The following CLEC4G variants were observed in gnomAD, a reference collection of about 807,000 sequenced individuals.
CLEC4G encodes C-type lectin domain family 4 member G.
A neutral mutation model predicts 37.0 loss-of-function variants in CLEC4G; 34 were observed. The observed-to-expected ratio is 0.92, with a 90% CI of 0.70 to 1.22. The LOEUF is 1.22. Among genes scored for constraint, CLEC4G ranks in the 50% most tolerant of loss-of-function variants. CLEC4G has a pLI of 0.00. For missense variants in CLEC4G, 390 were observed against 392.9 expected, an observed-to-expected ratio of 0.99 and a Z score of 0.06; for synonymous variants, 167 against 165.6, an observed-to-expected ratio of 1.01 and a Z score of -0.06.
rs1408540845 is a variant in CLEC4G at position 7,730,445 on chromosome 19, G to A, written c.389-5C>T. 1.2e-6 allele frequency: 2 copies of A among 1,600,502 alleles called. No homozygotes were observed. Among genetic ancestry groups the A allele is most frequent in the African/African-American group, 1.3e-5 (1 of 75,054 alleles). ...CTTCAGCCAAGCCCTGGGTCACTGCGGGGTCAAGGGAGCGGGGATTATGGC... is the reference window on the plus strand; with the variant it reads ...CTTCAGCCAAGCCCTGGGTCACTGCAGGGTCAAGGGAGCGGGGATTATGGC... On this transcript the variant is annotated splice_polypyrimidine_tract_variant and splice_region_variant and intron_variant, in intron 5 of 8. Transcript: ENST00000328853. The surrounding 1 kb of genome is among the most constrained non-coding windows in gnomAD (Gnocchi z 7.3).
In CLEC4G at chr19:7,729,166, A is replaced by C. The variant is rs1382190852; in HGVS notation, c.*200T>G. The C allele has an allele frequency of 2.8e-5, 19 of 688,642 alleles. No homozygotes were observed. In the African/African-American group the frequency reaches 2.8e-4, roughly 10 times the overall value. The allele number at this position is 688,642 out of a possible 1,614,324, so 42.7% of individuals were successfully genotyped here. A position where few individuals can be genotyped will look rare whatever the true frequency, so the allele number is the denominator to read the frequency against. Reference sequence around the variant, plus strand: ...AGGTTGGGTCTGCGTGAGTGGAGTTAGGATGAGGTCGGCATGGAGGTCCCA... The same window carrying C: ...AGGTTGGGTCTGCGTGAGTGGAGTTCGGATGAGGTCGGCATGGAGGTCCCA... On this transcript the variant is annotated 3_prime_UTR_variant, in exon 9 of 9. Transcript: ENST00000328853.
At position 7,729,358 on chromosome 19, in the gene CLEC4G, G is replaced by C; in HGVS notation, c.*8C>G. 1 of 1,597,004 alleles carries C rather than the reference G, an allele frequency of 6.3e-7. No individual in the cohort carries two copies. Among genetic ancestry groups the C allele is most frequent in the Non-Finnish European group, 8.6e-7 (1 of 1,166,102 alleles). ...GCAATGGGCGCGGCTCCAGGGCACT[G>C]GGCGGGGTCAGCAGTTGTGCCTTTT... On this transcript the variant is annotated 3_prime_UTR_variant, in exon 9 of 9. Coordinates refer to ENST00000328853, the MANE Select transcript of CLEC4G (RefSeq NM_198492.4).
chr19:7,730,913 G>A lies in CLEC4G; in HGVS notation c.284-54C>T. On this transcript the variant is annotated intron_variant, in intron 4 of 8. Coordinates refer to ENST00000328853, the MANE Select transcript of CLEC4G (RefSeq NM_198492.4). The surrounding 1 kb of genome is among the most constrained non-coding windows in gnomAD (Gnocchi z 7.3). ...GGCGGCGAGGATGGGGCGGGACTTC[G>A]GAGACCAGCCCCCGCCCCGCACCAC... 7.9e-6 allele frequency: 12 copies of A among 1,517,846 alleles called. No individual in the cohort carries two copies. The highest frequency in any genetic ancestry group is 9.7e-6 in the Non-Finnish European group (11 of 1,138,376). The allele number at this position is 1,517,846 out of a possible 1,614,324, so 94.0% of individuals were successfully genotyped here.
Position 7,731,763 on chromosome 19 carries a change from C to G in CLEC4G, c.64G>C (p.Gly22Arg). The change falls in exon 2 of 9, where the codon GGA (glycine) becomes CGA (arginine). Residue 22 changes from glycine to arginine, a missense_variant. Coordinates refer to ENST00000328853, the MANE Select transcript of CLEC4G (RefSeq NM_198492.4). Reference protein sequence around the residue: ...SSEEVPGGPWGRWVHWSRRPL... With the variant: ...SSEEVPGGPWRRWVHWSRRPL... ...CTCCTGCTCCAGTGCACCCAGCGTC[C>G]CCAGGGCCCTGGCATAACAAGGACG... is the stretch of plus-strand genomic sequence containing the variant. 6.2e-7 allele frequency: 1 copy of G among 1,613,418 alleles called. No homozygotes were observed. The highest frequency in any genetic ancestry group is 8.5e-7 in the Non-Finnish European group (1 of 1,179,770).
In CLEC4G at chr19:7,730,287, G is replaced by C; in HGVS notation, c.478+64C>G. 14 of 1,578,598 alleles carry C rather than the reference G, an allele frequency of 8.9e-6. No homozygotes were observed. Among genetic ancestry groups the C allele is most frequent in the Non-Finnish European group, 1.2e-5 (14 of 1,165,618 alleles). On this transcript the variant is annotated intron_variant, in intron 6 of 8. Coordinates refer to ENST00000328853, the MANE Select transcript of CLEC4G (RefSeq NM_198492.4). This position sits in a 1 kb window ranked among gnomAD's most constrained non-coding sequence, Gnocchi z 7.3. ...GGTGGAGACACAGAACCAGGCCAAG[G>C]TCCAGGAGTGACAGGGTCCGCTTAC...
chr19:7,729,357 T>C lies in CLEC4G; in HGVS notation c.*9A>G. On this transcript the variant is annotated 3_prime_UTR_variant, in exon 9 of 9. Transcript: ENST00000328853. ...TGCAATGGGCGCGGCTCCAGGGCACTGGGCGGGGTCAGCAGTTGTGCCTTT... is the reference window on the plus strand; with the variant it reads ...TGCAATGGGCGCGGCTCCAGGGCACCGGGCGGGGTCAGCAGTTGTGCCTTT... 1 of 1,597,088 alleles carries C rather than the reference T, an allele frequency of 6.3e-7. No homozygotes were observed. The highest frequency in any genetic ancestry group is 2.2e-5 in the East Asian group (1 of 44,810).
Position 7,730,237 on chromosome 19 carries a change from A to G in CLEC4G, c.479-70T>C. On this transcript the variant is annotated intron_variant, in intron 6 of 8. Transcript: ENST00000328853. This position sits in a 1 kb window ranked among gnomAD's most constrained non-coding sequence, Gnocchi z 7.3. Reference sequence around the variant, plus strand: ...AACGCACCGAGAGGATGCAGTGGGTAGGGGTTCGGCCCCGCGGGCTCAGGG... The same window carrying G: ...AACGCACCGAGAGGATGCAGTGGGTGGGGGTTCGGCCCCGCGGGCTCAGGG... 1 of 1,584,330 alleles carries G rather than the reference A, an allele frequency of 6.3e-7. No homozygotes were observed. Among genetic ancestry groups the G allele is most frequent in the South Asian group, 1.1e-5 (1 of 88,744 alleles).
intron 2 of CLEC4G, 38 bp from the exon 3 acceptor site, chr19:7,731,357 C>T (rs1473547676): frequency 6.5e-7 from 1 of 1,544,392 alleles, no homozygotes; most frequent in South Asian, 1.2e-5. Context: ...GCCGGGAACT[C>T]GGGAATCCTC....
chr19:7,731,405 G>A, intron 2 of CLEC4G, 86 bp from the exon 3 acceptor site: 13 of 1,516,586 alleles, frequency 8.6e-6, no homozygotes, highest in Non-Finnish European at 1.1e-5. Flanking sequence ...CAACTCGGGA[G>A]CACGGAGCGG....
At position 7,730,675 on chromosome 19, in the gene CLEC4G, T is replaced by C; in HGVS notation, c.388+80A>G. On this transcript the variant is annotated intron_variant, in intron 5 of 8. Transcript: ENST00000328853. The surrounding 1 kb of genome is among the most constrained non-coding windows in gnomAD (Gnocchi z 7.3). ...GTCAGGACGGGGTGCATGATCGGGG[T>C]CGGGGGTCAGCACTCAGGACGGGGT... is the stretch of plus-strand genomic sequence containing the variant. 6.8e-7 allele frequency: 1 copy of C among 1,465,136 alleles called. No individual in the cohort carries two copies. The highest frequency in any genetic ancestry group is 9.0e-7 in the Non-Finnish European group (1 of 1,111,478). The allele number at this position is 1,465,136 out of a possible 1,614,324, so 90.8% of individuals were successfully genotyped here.
chr19:7,731,155 T>C (rs1176948982), intron 3 of CLEC4G, 67 bp from the exon 4 acceptor site: 1 of 1,592,852 alleles, frequency 6.3e-7, no homozygotes. Flanking sequence ...GGGACCCCCT[T>C]CCAGCCTCAG....
chr19:7,730,247 C>G lies in CLEC4G; in HGVS notation c.479-80G>C. ...GAGGATGCAGTGGGTAGGGGTTCGG[C>G]CCCGCGGGCTCAGGGGTGGAGACAC... On this transcript the variant is annotated intron_variant, in intron 6 of 8. Transcript: ENST00000328853. The surrounding 1 kb of genome is among the most constrained non-coding windows in gnomAD (Gnocchi z 7.3). 1 of 1,576,590 alleles carries G rather than the reference C, an allele frequency of 6.3e-7. No individual in the cohort carries two copies. Among genetic ancestry groups the G allele is most frequent in the East Asian group, 2.3e-5 (1 of 44,178 alleles).
At position 7,730,401 on chromosome 19, in the gene CLEC4G, T is replaced by G; in HGVS notation, c.428A>C (p.Asp143Ala). 3 of 1,602,392 alleles carry G rather than the reference T, an allele frequency of 1.9e-6. No individual in the cohort carries two copies. The highest frequency in any genetic ancestry group is 2.5e-6 in the Non-Finnish European group (3 of 1,179,862). ...CGCCCGGAACAGCTCAGTGCGGACGTCCTCACGGCCCCTGCCGGCTTCAGC... is the reference window on the plus strand; with the variant it reads ...CGCCCGGAACAGCTCAGTGCGGACGGCCTCACGGCCCCTGCCGGCTTCAGC... ...GLAEAGRGRE[D>A]VRTELFRALE... The change falls in exon 6 of 9, where the codon GAC becomes GCC. Residue 143 changes from aspartate (D) to alanine (A), a missense_variant. By Grantham distance (126) the Asp-to-Ala change is moderately radical (BLOSUM62 -2). Transcript: ENST00000328853. This position sits in a 1 kb window ranked among gnomAD's most constrained non-coding sequence, Gnocchi z 7.3.
chr19:7,730,058 G>C lies in CLEC4G; in HGVS notation c.588C>G (p.Ala196=), dbSNP rs1360564791. The change falls in exon 7 of 9, where the codon GCC becomes GCG. Residue 196 remains alanine, a synonymous_variant. Coordinates refer to ENST00000328853, the MANE Select transcript of CLEC4G (RefSeq NM_198492.4). The surrounding 1 kb of genome is among the most constrained non-coding windows in gnomAD (Gnocchi z 7.3). ...WAAAQDHCAD[A]SAHLVIVGGL... The stretch of plus-strand genomic sequence containing the variant: ...CCCCAACGATCACCAGGTGCGCGCT[G>C]GCATCTGCGCAGTGATCCTGCGCCG... The C allele has an allele frequency of 7.5e-6, 12 of 1,604,842 alleles. No individual in the cohort carries two copies. The highest frequency in any genetic ancestry group is 8.5e-6 in the Non-Finnish European group (10 of 1,177,310).
chr19:7,731,207 G>A, intron 3 of CLEC4G, 59 bp downstream of exon 3: 1 of 1,571,966 alleles, frequency 6.4e-7, no homozygotes, highest in Non-Finnish European at 8.6e-7. Flanking sequence ...CATCTCCGGG[G>A]TCTCAGAAAC....
Position 7,729,178 on chromosome 19 carries a change from G to A in CLEC4G, c.*188C>T. ...CGTGAGTGGAGTTAGGATGAGGTCG[G>A]CATGGAGGTCCCAGAGCCCAGGCAC... On this transcript the variant is annotated 3_prime_UTR_variant, in exon 9 of 9. Transcript: ENST00000328853. The A allele has an allele frequency of 1.4e-6, 1 of 693,848 alleles. No homozygotes were observed. The allele number at this position is 693,848 out of a possible 1,614,324, so 43.0% of individuals were successfully genotyped here. A position where few individuals can be genotyped will look rare whatever the true frequency, so the allele number is the denominator to read the frequency against.
intron 3 of CLEC4G, 36 bp from the exon 4 acceptor site, chr19:7,731,124 G>A: frequency 1.9e-6 from 3 of 1,603,308 alleles, no homozygotes; most frequent in Non-Finnish European, 2.5e-6. Flanking sequence ...CATGCCCCTC[G>A]GGTCACTTGG....
In CLEC4G at chr19:7,730,724, G is replaced by A. The variant is rs114373014; in HGVS notation, c.388+31C>T. The A allele has an allele frequency of 2.3e-5, 35 of 1,523,262 alleles. No individual in the cohort carries two copies. Among genetic ancestry groups the A allele is most frequent in the Admixed American group, 2.0e-5 (1 of 49,844 alleles). The allele number at this position is 1,523,262 out of a possible 1,614,324, so 94.4% of individuals were successfully genotyped here. On this transcript the variant is annotated intron_variant, in intron 5 of 8. Coordinates refer to ENST00000328853, the MANE Select transcript of CLEC4G (RefSeq NM_198492.4). This position sits in a 1 kb window ranked among gnomAD's most constrained non-coding sequence, Gnocchi z 7.3. ...GTCGGGGTCGGGGGACGCGGCCAGGGCTCAGGGCCGGGGTCGCGTCGGGCC... is the reference window on the plus strand; with the variant it reads ...GTCGGGGTCGGGGGACGCGGCCAGGACTCAGGGCCGGGGTCGCGTCGGGCC...
Position 7,730,030 on chromosome 19 carries a change from G to A in CLEC4G, c.616C>T (p.Leu206=), listed in dbSNP as rs781537650. ...CTCCCCCTGCGCACCTGCTCATCCA[G>A]GCCCCCAACGATCACCAGGTGCGCG... ...ASAHLVIVGG[L]DEQGFLTRNT... Residue 206 remains leucine (L), a synonymous_variant, in exon 7 of 9, where the codon CTG becomes TTG. Transcript: ENST00000328853. This position sits in a 1 kb window ranked among gnomAD's most constrained non-coding sequence, Gnocchi z 7.3. 7.3e-5 allele frequency: 117 copies of A among 1,599,778 alleles called. No homozygotes were observed. Among genetic ancestry groups the A allele is most frequent in the Non-Finnish European group, 9.4e-5 (110 of 1,175,218 alleles).
Sources: gnomAD v4.1 joint callset for allele counts on GRCh38, gnomAD v4.1.1 for gene constraint, Gnocchi (gnomAD v3.1) non-coding constraint, MANE v1.5 for transcripts, NCBI Gene and HGNC (gene_info 2026-07-23, HGNC 2026-07-21) for gene names.